L3MBTL4: variants seen among roughly 807,000 people sequenced by gnomAD.
L3MBTL4 encodes lethal(3)malignant brain tumor-like protein 4.
A neutral mutation model predicts 84.5 loss-of-function variants in L3MBTL4; 70 were observed. That is an observed-to-expected ratio of 0.83 (90% CI 0.68 to 1.01). The LOEUF (loss-of-function observed/expected upper bound fraction) is 1.01. L3MBTL4 is among the 50% of genes least tolerant of loss of function. L3MBTL4 has a pLI of 0.00. For missense variants in L3MBTL4, 715 were observed against 754.8 expected, an observed-to-expected ratio of 0.95 and a Z score of 0.62; for synonymous variants, 274 against 259.8, an observed-to-expected ratio of 1.05 and a Z score of -0.52.
In L3MBTL4 at chr18:6,414,326, G is replaced by C. The variant is rs941533444; in HGVS notation, c.-91+475C>G. On this transcript the variant is annotated intron_variant, in intron 1 of 18. Coordinates refer to ENST00000317931, the MANE Select transcript of L3MBTL4 (RefSeq NM_001330559.2). The surrounding 1 kb of genome is among the most constrained non-coding windows in gnomAD (Gnocchi z 5.4). ...GGCTGAGGGGGACACGCGGGCAGAC[G>C]GGGGCGTTAGCCCCAGAGGAAACAA... 5.2e-5 allele frequency: 8 copies of C among 152,630 alleles called. No homozygotes were observed. The highest frequency in any genetic ancestry group is 4.6e-4 in the Admixed American group (7 of 15,304). 9.5% of individuals were successfully genotyped at this position (152,630 alleles called of 1,614,324 possible).
intron 4 of L3MBTL4, among the ~76,000 whole-genome samples, chr18:6,269,232 C>T (rs1238653759): frequency 2.6e-5 from 4 of 152,118 alleles, no homozygotes; most frequent in Non-Finnish European, 5.9e-5. Flanking sequence ...GAGGCTGAGG[C>T]GGGCGGATCA....
At chr18:5,994,004 C>T (rs1038705897) in intron 16 of L3MBTL4, among the ~76,000 whole-genome samples, 2 of 152,148 alleles carry the variant, frequency 1.3e-5, no homozygotes, top group Non-Finnish European at 2.9e-5. Flanking sequence ...ATCACCAGAG[C>T]CTCAAAGTGC....
chr18:6,074,152 T>C (rs2057783111), intron 16 of L3MBTL4, among the ~76,000 whole-genome samples: 1 of 152,240 alleles, frequency 6.6e-6, no homozygotes, highest in Non-Finnish European at 1.5e-5. Flanking sequence ...CCTTTCTTCA[T>C]TTATGTCAAT....
intron 16 of L3MBTL4, among the ~76,000 whole-genome samples, chr18:6,027,650 C>T: frequency 6.6e-6 from 1 of 152,210 alleles, no homozygotes; most frequent in Non-Finnish European, 1.5e-5. Context: ...CACGCTCCCA[C>T]CAACAGTGTA....
chr18:6,074,100 C>G (rs908751486), intron 16 of L3MBTL4, among the ~76,000 whole-genome samples: 1 of 152,074 alleles, frequency 6.6e-6, no homozygotes, highest in Non-Finnish European at 1.5e-5. Flanking sequence ...TTTTTGCCAG[C>G]ATCACTTTCT....
At chr18:6,047,995 C>T (rs1052782688) in intron 16 of L3MBTL4, among the ~76,000 whole-genome samples, 3 of 152,160 alleles carry the variant, frequency 2.0e-5, no homozygotes, top group Non-Finnish European at 4.4e-5. Flanking sequence ...CGATTCTACA[C>T]CTAGAAAACC....
intron 16 of L3MBTL4, among the ~76,000 whole-genome samples, chr18:6,025,561 G>A (rs1038214065): frequency 1.3e-5 from 2 of 152,110 alleles, no homozygotes; most frequent in African/African-American, 4.8e-5. Flanking sequence ...GTGTAGTTTT[G>A]TATTGCTGAT....
intron 3 of L3MBTL4, among the ~76,000 whole-genome samples, chr18:6,303,220 G>A (rs2050422767): frequency 6.6e-6 from 1 of 151,988 alleles, no homozygotes; most frequent in African/African-American, 2.4e-5. Context: ...CCACCTCCCA[G>A]GTTCAAGTGA....
chr18:6,234,313 A>C (rs1203726663), intron 10 of L3MBTL4, among the ~76,000 whole-genome samples: 1 of 152,228 alleles, frequency 6.6e-6, no homozygotes, highest in Non-Finnish European at 1.5e-5. Context: ...AAAATTGACA[A>C]ATGGGATTTA....
intron 13 of L3MBTL4, among the ~76,000 whole-genome samples, chr18:6,171,554 G>A (rs2043971071): frequency 6.6e-6 from 1 of 152,196 alleles, no homozygotes; most frequent in South Asian, 2.1e-4. Flanking sequence ...ATTTAGATGT[G>A]CTAGCTCAGT....
intron 16 of L3MBTL4, among the ~76,000 whole-genome samples, chr18:6,036,244 ATTAT>A (rs1245039974): frequency 2.0e-5 from 3 of 152,232 alleles, no homozygotes; most frequent in East Asian, 1.9e-4. Flanking sequence ...ATTCTCAGCA[ATTAT>A]TTCTTTAAAC....
At chr18:6,158,707 A>G (rs930992288) in intron 13 of L3MBTL4, among the ~76,000 whole-genome samples, 1 of 152,214 alleles carries the variant, frequency 6.6e-6, no homozygotes, top group African/African-American at 2.4e-5. Flanking sequence ...GAGATCCCAC[A>G]TGGCTACTTA....
At position 6,074,518 on chromosome 18, in the gene L3MBTL4, C is replaced by CTGA. The variant is rs1165837842; in HGVS notation, c.1444+6360_1444+6362dup. On this transcript the variant is annotated intron_variant, in intron 16 of 18. Transcript: ENST00000317931. ...TTGAAAGAGGTAATGTTATTGGTCA[C>CTGA]TGATGATGATGAGAGCTGTTATTTA... Among the ~76,000 whole-genome samples the CTGA allele has an allele frequency of 1.1e-4, 17 of 152,310 alleles. No individual in the cohort carries two copies. In the South Asian group the frequency reaches 3.3e-3, roughly 30 times the overall value.
intron 14 of L3MBTL4, among the ~76,000 whole-genome samples, chr18:6,137,428 C>T (rs1351687874): frequency 6.6e-6 from 1 of 152,094 alleles, no homozygotes; most frequent in East Asian, 1.9e-4. Flanking sequence ...CATGGACTTC[C>T]TGTATTATGC....
intron 14 of L3MBTL4, among the ~76,000 whole-genome samples, chr18:6,124,595 C>A (rs1436839677): frequency 1.3e-5 from 2 of 151,968 alleles, no homozygotes; most frequent in African/African-American, 4.8e-5. Context: ...AGAAAAAGGT[C>A]TGGGCTTAAA....
Position 6,301,974 on chromosome 18 carries a change from G to A in L3MBTL4, c.73-17C>T. ...AGCTTGCTCCTAGAATACAGAAAAT[G>A]GTGTTTAGATGGTATTGCTGGATAA... On this transcript the variant is annotated splice_polypyrimidine_tract_variant and intron_variant, in intron 3 of 18. Coordinates refer to ENST00000317931, the MANE Select transcript of L3MBTL4 (RefSeq NM_001330559.2). The A allele has an allele frequency of 1.2e-6, 2 of 1,601,038 alleles. No individual in the cohort carries two copies. The highest frequency in any genetic ancestry group is 1.7e-4 in the Middle Eastern group (1 of 6,038).
At chr18:6,128,125 A>C (rs976056234) in intron 14 of L3MBTL4, among the ~76,000 whole-genome samples, 15 of 152,066 alleles carry the variant, frequency 9.9e-5, no homozygotes, top group Non-Finnish European at 1.3e-4. Context: ...ATCCAGCAAG[A>C]ACAGGATACA....
chr18:6,293,238 A>C (rs1293588124), intron 4 of L3MBTL4, among the ~76,000 whole-genome samples: 1 of 152,148 alleles, frequency 6.6e-6, no homozygotes, highest in African/African-American at 2.4e-5. Flanking sequence ...ATGACATCCT[A>C]ATAGCAATGA....
chr18:6,010,849 T>G (rs2054701734), intron 16 of L3MBTL4, among the ~76,000 whole-genome samples: 1 of 152,186 alleles, frequency 6.6e-6, no homozygotes, highest in Non-Finnish European at 1.5e-5. Flanking sequence ...ACAGCAAATT[T>G]AATAAAATAT....
Sources: gnomAD v4.1 joint callset for allele counts (sites outside exome capture counted in the v4.1 genomes callset) on GRCh38, gnomAD v4.1.1 for gene constraint, Gnocchi (gnomAD v3.1) non-coding constraint, MANE v1.5 for transcripts, NCBI Gene and HGNC (gene_info 2026-07-23, HGNC 2026-07-21) for gene names.